Variants in GALNT11 observed in about 807,000 individuals in gnomAD.
GALNT11 encodes the protein polypeptide N-acetylgalactosaminyltransferase 11, also known as UDP-GalNAc:polypeptide N-acetylgalactosaminyltransferase 11.
A neutral mutation model predicts 72.7 loss-of-function variants in GALNT11; 47 were observed. The ratio of observed to expected loss-of-function variants is 0.65; its 90% CI spans 0.51 to 0.82. GALNT11 has a LOEUF of 0.82. Ranked by LOEUF, GALNT11 falls within the 40% of genes least tolerant of loss-of-function variation. GALNT11 has a pLI of 0.00. For missense variants in GALNT11, 677 were observed against 778.4 expected, an observed-to-expected ratio of 0.87 and a Z score of 1.55; for synonymous variants, 270 against 286.6, an observed-to-expected ratio of 0.94 and a Z score of 0.58.
rs1240617591 is a variant in GALNT11, at chr7:152,121,839, G to T, written c.*162G>T. ...CTGGGTGTGTTAGCAGAGGTGACAC[G>T]TGTCTGACAGAGACGGGAGCTCTGA... is the stretch of plus-strand genomic sequence containing the variant. On this transcript the variant is annotated 3_prime_UTR_variant, in exon 12 of 12. Coordinates refer to ENST00000430044, the MANE Select transcript of GALNT11 (RefSeq NM_022087.4). 1.2e-6 allele frequency: 1 copy of T among 806,736 alleles called. No homozygotes were observed. The highest frequency in any genetic ancestry group is 2.0e-5 in the South Asian group (1 of 49,718). 50.0% of individuals were successfully genotyped at this position (806,736 alleles called of 1,614,324 possible).
intron 1 of GALNT11, among the ~76,000 whole-genome samples, chr7:152,082,001 A>G (rs2085351976): frequency 6.6e-6 from 1 of 152,174 alleles, no homozygotes; most frequent in Non-Finnish European, 1.5e-5. Context: ...ATTAATGGAC[A>G]ATGGGATTTA....
chr7:152,110,489 G>T, intron 6 of GALNT11, 39 bp from the exon 7 acceptor site: 1 of 1,434,454 alleles, frequency 7.0e-7, no homozygotes, highest in South Asian at 1.2e-5. Flanking sequence ...TAAGATAACT[G>T]ACTATAAGGA....
rs71541735 is a variant in GALNT11 at position 152,071,750 on chromosome 7, C to T, written c.-38-22440C>T. ...ATTATAAAAGTATTAATTTGGGGAA[C>T]TAATAAATGTCCATGAAATCTTCAC... On this transcript the variant is annotated intron_variant, in intron 1 of 11. Transcript: ENST00000430044. Among the ~76,000 whole-genome samples the T allele has an allele frequency of 1.4e-3, 217 of 152,276 alleles. 2 individuals are homozygous for T. Among genetic ancestry groups the T allele is most frequent in the Middle Eastern group, 6.8e-3 (2 of 294 alleles).
Position 152,120,811 on chromosome 7 carries a change from A to G in GALNT11, c.1558-20A>G, listed in dbSNP as rs1397062755. 4 of 1,575,866 alleles carry G rather than the reference A, an allele frequency of 2.5e-6. No individual in the cohort carries two copies. Among genetic ancestry groups the G allele is most frequent in the Admixed American group, 1.7e-5 (1 of 58,112 alleles). On this transcript the variant is annotated intron_variant, in intron 10 of 11. Transcript: ENST00000430044. ...TCTTAAAATTCGTTATCTAAATTTT[A>G]TTTTATTTTTCTTCTCTAGATCTGG... is the stretch of plus-strand genomic sequence containing the variant.
At chr7:152,073,122 ATC>A (rs1168125524) in intron 1 of GALNT11, among the ~76,000 whole-genome samples, 7 of 152,202 alleles carry the variant, frequency 4.6e-5, no homozygotes, top group Non-Finnish European at 8.8e-5. Flanking sequence ...CATATCCATC[ATC>A]TCATACATTT....
At chr7:152,076,344 C>G (rs1483780286) in intron 1 of GALNT11, among the ~76,000 whole-genome samples, 1 of 152,152 alleles carries the variant, frequency 6.6e-6, no homozygotes, top group African/African-American at 2.4e-5. Context: ...GGAAGCAGAT[C>G]TTGAGATAGA....
chr7:152,050,375 C>T (rs2083337104), intron 1 of GALNT11, among the ~76,000 whole-genome samples: 2 of 152,210 alleles, frequency 1.3e-5, no homozygotes, highest in African/African-American at 2.4e-5. Flanking sequence ...AGCAGGTTCC[C>T]TTGTAGCCCA....
At chr7:152,085,563 T>C (rs1563063024) in intron 1 of GALNT11, among the ~76,000 whole-genome samples, 1 of 147,380 alleles carries the variant, frequency 6.8e-6, no homozygotes, top group Non-Finnish European at 1.5e-5. Flanking sequence ...GATTTTGTTG[T>C]GTAGATACTA....
At chr7:152,118,824 G>A in intron 10 of GALNT11, 42 bp downstream of exon 10, 1 of 1,533,244 alleles carries the variant, frequency 6.5e-7, no homozygotes, top group East Asian at 2.3e-5. Flanking sequence ...TCCGCAAGGA[G>A]GCTTCCAGTG....
At position 152,103,098 on chromosome 7, in the gene GALNT11, C is replaced by T; in HGVS notation, c.420-14C>T. ...TTTTAAAATGTCAGAATTTCCTCAT[C>T]TTTATCTTTACAGATGTAAAGAAAA... On this transcript the variant is annotated splice_polypyrimidine_tract_variant and intron_variant, in intron 3 of 11. Transcript: ENST00000430044. 1.3e-6 allele frequency: 2 copies of T among 1,588,158 alleles called. No homozygotes were observed. Among genetic ancestry groups the T allele is most frequent in the Non-Finnish European group, 8.6e-7 (1 of 1,160,012 alleles).
intron 8 of GALNT11, among the ~76,000 whole-genome samples, chr7:152,115,912 CG>C (rs2088795022): frequency 6.6e-6 from 1 of 151,814 alleles, no homozygotes; most frequent in South Asian, 2.1e-4. Context: ...CAAAATTAGC[CG>C]GGTGTGGTGG....
chr7:152,061,708 C>T (rs182491952), intron 1 of GALNT11, among the ~76,000 whole-genome samples: 19 of 152,150 alleles, frequency 1.2e-4, no homozygotes, highest in African/African-American at 3.9e-4. Flanking sequence ...GCCAGTTTTC[C>T]CAGCACCATT....
At chr7:152,115,671 T>G (rs2088766747) in intron 8 of GALNT11, among the ~76,000 whole-genome samples, 1 of 152,272 alleles carries the variant, frequency 6.6e-6, no homozygotes, top group Non-Finnish European at 1.5e-5. Context: ...CAGTATTTGT[T>G]GCAAATGACA....
At chr7:152,118,490 C>G (rs759182636) in intron 9 of GALNT11, 188 bp from the exon 10 acceptor site, 74 of 526,810 alleles carry the variant, frequency 1.4e-4, no homozygotes, top group African/African-American at 6.0e-5. Context: ...GGAGTTATAA[C>G]TTTTGTCTAT....
At chr7:152,092,028 G>T (rs2086073725) in intron 1 of GALNT11, among the ~76,000 whole-genome samples, 1 of 152,140 alleles carries the variant, frequency 6.6e-6, no homozygotes, top group South Asian at 2.1e-4. Flanking sequence ...CTGTAAGCGT[G>T]GACCTTGCTA....
chr7:152,114,441 T>C (rs1160691239), intron 8 of GALNT11, among the ~76,000 whole-genome samples: 1 of 152,242 alleles, frequency 6.6e-6, no homozygotes, highest in Non-Finnish European at 1.5e-5. Flanking sequence ...CGTTTTCAGG[T>C]TCATCCGTGC....
At chr7:152,081,692 C>CT (rs1261821631) in intron 1 of GALNT11, among the ~76,000 whole-genome samples, 1 of 152,186 alleles carries the variant, frequency 6.6e-6, no homozygotes, top group Non-Finnish European at 1.5e-5. Context: ...CCATACCACT[C>CT]TATGTTTTCT....
chr7:152,047,709 T>TGTGC (rs528749652), intron 1 of GALNT11, among the ~76,000 whole-genome samples: 16 of 151,316 alleles, frequency 1.1e-4, no homozygotes, highest in African/African-American at 2.4e-4. Context: ...TGTGTGTGTG[T>TGTGC]GCGCACACAC....
chr7:152,046,758 C>G (rs181233737), intron 1 of GALNT11, among the ~76,000 whole-genome samples: 1 of 152,214 alleles, frequency 6.6e-6, no homozygotes, highest in Non-Finnish European at 1.5e-5. Context: ...CACTCTGTGT[C>G]TTTTGACTGG....
Sources: allele counts gnomAD v4.1 joint callset (sites outside exome capture counted in the v4.1 genomes callset), GRCh38; gene constraint gnomAD v4.1.1; transcripts MANE v1.5; gene names NCBI Gene and HGNC (gene_info 2026-07-23, HGNC 2026-07-21).